The following LRP5 variants were observed in gnomAD, a reference collection of about 807,000 sequenced individuals.
LRP5 encodes LDL receptor related protein 5, also known as low-density lipoprotein receptor-related protein 5.
Under a neutral mutation model 154.1 loss-of-function variants are expected in LRP5, and 62 were observed. That is an observed-to-expected ratio of 0.40 (90% CI 0.33 to 0.50). The LOEUF (loss-of-function observed/expected upper bound fraction) is 0.50, where lower values mean the gene tolerates loss of function less well. Among genes scored for constraint, LRP5 ranks in the 20% least tolerant of loss-of-function variants. The pLI, the probability that LRP5 is intolerant of heterozygous loss-of-function variation, is 0.55. For synonymous variants in LRP5, 966 were observed against 1,011.5 expected, an observed-to-expected ratio of 0.96 and a Z score of 0.85; for missense variants, 1,915 against 2,336.7, an observed-to-expected ratio of 0.82 and a Z score of 3.72.
At chr11:68,319,156 A>G (rs2098595292) in intron 1 of LRP5, among the ~76,000 whole-genome samples, 1 of 147,530 alleles carries the variant, frequency 6.8e-6, no homozygotes, top group South Asian at 2.1e-4. Flanking sequence ...GGCTCACTGT[A>G]ACTTCTGCCA....
intron 5 of LRP5, among the ~76,000 whole-genome samples, chr11:68,372,045 C>T (rs937587925): frequency 6.6e-4 from 101 of 152,314 alleles, no homozygotes; most frequent in African/African-American, 2.1e-3. Context: ...CTAGCGGAAA[C>T]GCAGGTAACG....
At chr11:68,402,771 A>T (rs915372858) in intron 7 of LRP5, among the ~76,000 whole-genome samples, 19 of 152,168 alleles carry the variant, frequency 1.2e-4, no homozygotes, top group African/African-American at 2.4e-4. Context: ...CCTGCGGAGC[A>T]CGCCCTGGTT....
chr11:68,426,864 T>G (rs1441060961), intron 16 of LRP5, among the ~76,000 whole-genome samples: 1 of 152,190 alleles, frequency 6.6e-6, no homozygotes, highest in Admixed American at 6.5e-5. Context: ...GTGGAGAAAT[T>G]AGCTTCCTTG....
At chr11:68,395,690 G>A (rs2098648917) in intron 7 of LRP5, among the ~76,000 whole-genome samples, 1 of 152,152 alleles carries the variant, frequency 6.6e-6, no homozygotes, top group Admixed American at 6.5e-5. Context: ...GGAAGGTGCA[G>A]GTGGATGCCC....
chr11:68,323,575 A>G (rs954170477), intron 1 of LRP5, among the ~76,000 whole-genome samples: 10 of 152,046 alleles, frequency 6.6e-5, no homozygotes, highest in African/African-American at 2.4e-4. Flanking sequence ...CACCAGGCCC[A>G]GGTAATTTTT....
intron 15 of LRP5, among the ~76,000 whole-genome samples, chr11:68,425,651 G>A (rs1591312549): frequency 6.6e-6 from 1 of 152,226 alleles, no homozygotes; most frequent in South Asian, 2.1e-4. Flanking sequence ...TGCTTAGAGA[G>A]GGGGCGCAGG....
At chr11:68,336,431 A>C (rs429273) in intron 1 of LRP5, among the ~76,000 whole-genome samples, 60 of 152,326 alleles carry the variant, frequency 3.9e-4, no homozygotes, top group Non-Finnish European at 6.5e-4. Flanking sequence ...ATAGCCCATA[A>C]TATTACTATA....
chr11:68,448,951 C>G lies in LRP5; in HGVS notation c.4729C>G (p.Pro1577Ala), dbSNP rs770969117. Reference sequence around the variant, plus strand: ...GGACTCAGACCCCTATCCACCCCCACCCACGCCCCACAGCCAGTACCTGTC... The same window carrying G: ...GGACTCAGACCCCTATCCACCCCCAGCCACGCCCCACAGCCAGTACCTGTC... The part of the protein sequence containing the change: ...NSDSDPYPPP[P>A]TPHSQYLSAE... Residue 1577 changes from proline to alanine, a missense_variant, in exon 23 of 23, where the codon CCC (proline) becomes GCC (alanine). Pro to Ala is a conservative substitution (Grantham distance 27, BLOSUM62 -1). Transcript: ENST00000294304. The G allele has an allele frequency of 4.3e-6, 7 of 1,612,996 alleles. No homozygotes were observed. The highest frequency in any genetic ancestry group is 5.9e-6 in the Non-Finnish European group (7 of 1,179,978).
intron 6 of LRP5, among the ~76,000 whole-genome samples, chr11:68,388,822 G>A (rs1222710118): frequency 6.6e-6 from 1 of 152,184 alleles, no homozygotes; most frequent in Non-Finnish European, 1.5e-5. Flanking sequence ...ACCCGCACAG[G>A]GTGGAAGTGG....
chr11:68,327,019 G>A (rs920440515), intron 1 of LRP5, among the ~76,000 whole-genome samples: 4 of 152,152 alleles, frequency 2.6e-5, no homozygotes, highest in East Asian at 1.9e-4. Flanking sequence ...TGGAGCCCAC[G>A]TGTCCTGCCT....
At chr11:68,440,862 A>G (rs1286611452) in intron 21 of LRP5, among the ~76,000 whole-genome samples, 1 of 151,778 alleles carries the variant, frequency 6.6e-6, no homozygotes, top group African/African-American at 2.4e-5. Context: ...TCTGCCTCCC[A>G]GGTTCAAGCA....
At chr11:68,371,507 T>C (rs892066964) in intron 5 of LRP5, among the ~76,000 whole-genome samples, 1 of 152,198 alleles carries the variant, frequency 6.6e-6, no homozygotes, top group South Asian at 2.1e-4. Context: ...CCGTAAAATA[T>C]CACGTTAAAG....
intron 12 of LRP5, among the ~76,000 whole-genome samples, chr11:68,414,406 C>T (rs2098661367): frequency 6.6e-6 from 1 of 152,106 alleles, no homozygotes; most frequent in South Asian, 2.1e-4. Flanking sequence ...ACCCGATGCA[C>T]AGAGAGGTGT....
intron 13 of LRP5, among the ~76,000 whole-genome samples, chr11:68,417,096 G>A (rs1233571856): frequency 1.3e-5 from 2 of 152,202 alleles, no homozygotes; most frequent in African/African-American, 4.8e-5. Context: ...ATTCGTAAAC[G>A]TTAATGCTGC....
At chr11:68,332,565 A>C (rs1387136571) in intron 1 of LRP5, among the ~76,000 whole-genome samples, 2 of 152,236 alleles carry the variant, frequency 1.3e-5, no homozygotes, top group African/African-American at 4.8e-5. Flanking sequence ...TGGGTCCAGG[A>C]GGCCAGGTCA....
At chr11:68,385,803 C>T (rs1385585640) in intron 5 of LRP5, among the ~76,000 whole-genome samples, 2 of 151,996 alleles carry the variant, frequency 1.3e-5, no homozygotes, top group Non-Finnish European at 2.9e-5. Context: ...TGAAGCCGCC[C>T]TCGGGTGGTG....
intron 21 of LRP5, among the ~76,000 whole-genome samples, chr11:68,445,346 C>T (rs1313091323): frequency 2.6e-5 from 4 of 152,142 alleles, no homozygotes; most frequent in Non-Finnish European, 4.4e-5. Flanking sequence ...GTGATCCGCC[C>T]GCCTCGGCCT....
chr11:68,303,086 A>G, the LRP5 span, among the ~76,000 whole-genome samples: 583 of 152,318 alleles, frequency 3.8e-3, 2 homozygotes, highest in Non-Finnish European at 7.2e-3. Context: ...GCCTTTCTCC[A>G]TGGTGGCAAA....
At chr11:68,372,629 C>T (rs1285237713) in intron 5 of LRP5, among the ~76,000 whole-genome samples, 1 of 152,182 alleles carries the variant, frequency 6.6e-6, no homozygotes, top group African/African-American at 2.4e-5. Context: ...TGATTATACT[C>T]CCCGCTCCAT....
Sources: allele counts gnomAD v4.1 joint callset (sites outside exome capture counted in the v4.1 genomes callset), GRCh38; gene constraint gnomAD v4.1.1; transcripts MANE v1.5; gene names NCBI Gene and HGNC (gene_info 2026-07-23, HGNC 2026-07-21).